Variants in MACROD1 observed in about 807,000 individuals in gnomAD.
The protein encoded by MACROD1 is ADP-ribose glycohydrolase MACROD1.
Under a neutral mutation model 41.4 loss-of-function variants are expected in MACROD1, and 31 were observed. The ratio of observed to expected loss-of-function variants is 0.75; its 90% CI spans 0.56 to 1.01. MACROD1 has a LOEUF of 1.01. Among genes scored for constraint, MACROD1 ranks in the 50% least tolerant of loss-of-function variants. MACROD1 has a pLI of 0.00. For synonymous variants in MACROD1, 252 were observed against 203.4 expected (o/e 1.24, Z -2.03); for missense variants, 473 against 460.0 (o/e 1.03, Z -0.26).
At chr11:64,035,996 C>G (rs1366381595) in intron 3 of MACROD1, 1 of 150,548 alleles carries the variant, frequency 6.6e-6, no homozygotes, top group African/African-American at 2.4e-5. Flanking sequence ...GCCCCCCGCT[C>G]CGGGCCCGCC....
chr11:64,075,176 G>A (rs1944178941), intron 3 of MACROD1, among the ~76,000 whole-genome samples: 2 of 152,242 alleles, frequency 1.3e-5, no homozygotes, highest in South Asian at 4.1e-4. Context: ...GGCAGCGCAT[G>A]AGGGTCTGAG....
At chr11:64,075,275 G>A (rs1401641539) in intron 3 of MACROD1, among the ~76,000 whole-genome samples, 1 of 152,242 alleles carries the variant, frequency 6.6e-6, no homozygotes, top group Non-Finnish European at 1.5e-5. Flanking sequence ...GGACCTGCCT[G>A]GCTGGCCCTT....
At chr11:64,136,891 G>T (rs1193101978) in intron 3 of MACROD1, among the ~76,000 whole-genome samples, 2 of 152,208 alleles carry the variant, frequency 1.3e-5, no homozygotes, top group East Asian at 1.9e-4. Context: ...GGGGGATGAG[G>T]AAGTGGGGGT....
At chr11:64,079,113 G>T (rs931260945) in intron 3 of MACROD1, among the ~76,000 whole-genome samples, 2 of 152,134 alleles carry the variant, frequency 1.3e-5, no homozygotes, top group Admixed American at 6.5e-5. Flanking sequence ...TGGTGCAGTG[G>T]GGGGCGGTGG....
At chr11:64,078,532 G>A (rs1055465728) in intron 3 of MACROD1, among the ~76,000 whole-genome samples, 1 of 152,258 alleles carries the variant, frequency 6.6e-6, no homozygotes, top group African/African-American at 2.4e-5. Context: ...ATACCCGGGA[G>A]GGGAGCTGTC....
At chr11:63,999,209 A>C in intron 8 of MACROD1, 122 bp downstream of exon 8, 1 of 1,397,132 alleles carries the variant, frequency 7.2e-7, no homozygotes. Flanking sequence ...TGCGCAGGAG[A>C]AACAGGGAAG....
Position 64,067,694 on chromosome 11 carries a change from C to T in MACROD1, c.518-52413G>A, listed in dbSNP as rs1042563601. On this transcript the variant is annotated intron_variant, in intron 3 of 10. Coordinates refer to ENST00000255681, the MANE Select transcript of MACROD1 (RefSeq NM_014067.4). This position sits in a 1 kb window ranked among gnomAD's most constrained non-coding sequence, Gnocchi z 4.6. The stretch of plus-strand genomic sequence containing the variant: ...GCTGGGGTGCCTGGAGCTGCCCTGC[C>T]TGCAGTGATTGCGGACACGCCCCTC... Among the ~76,000 whole-genome samples the T allele has an allele frequency of 4.6e-5, 7 of 152,220 alleles. No homozygotes were observed. Among genetic ancestry groups the T allele is most frequent in the African/African-American group, 1.4e-4 (6 of 41,454 alleles).
At chr11:64,095,853 G>A (rs541574327) in intron 3 of MACROD1, among the ~76,000 whole-genome samples, 94 of 152,202 alleles carry the variant, frequency 6.2e-4, no homozygotes, top group Non-Finnish European at 1.3e-3. Context: ...GGAGGAGCGC[G>A]AGGCTGAGGG....
At chr11:64,003,832 T>A (rs1942865672) in intron 4 of MACROD1, among the ~76,000 whole-genome samples, 1 of 152,092 alleles carries the variant, frequency 6.6e-6, no homozygotes, top group African/African-American at 2.4e-5. Context: ...AGGCAGTGTC[T>A]CCCCACATCA....
At chr11:64,142,128 TA>T (rs1480169667) in intron 3 of MACROD1, among the ~76,000 whole-genome samples, 1 of 152,006 alleles carries the variant, frequency 6.6e-6, no homozygotes, top group Non-Finnish European at 1.5e-5. Flanking sequence ...AGGGGTGGGG[TA>T]GGGGGCTGGG....
intron 3 of MACROD1, among the ~76,000 whole-genome samples, chr11:64,042,424 A>G (rs1450161921): frequency 1.3e-5 from 2 of 152,106 alleles, no homozygotes; most frequent in Non-Finnish European, 2.9e-5. Flanking sequence ...GGGGGGTGTG[A>G]AGGAATGAGA....
In MACROD1 at chr11:64,166,023, C is replaced by A; in HGVS notation, c.-29G>T. The A allele has an allele frequency of 8.0e-7, 1 of 1,253,190 alleles. No homozygotes were observed. The highest frequency in any genetic ancestry group is 3.4e-5 in the South Asian group (1 of 29,232). 77.6% of individuals were successfully genotyped at this position (1,253,190 alleles called of 1,614,324 possible). Reference sequence around the variant, plus strand: ...CGGGCGGCGCGGGACGGCTCTCCGCCCACTTGGACTCTATTTACGGCGCTC... The same window carrying A: ...CGGGCGGCGCGGGACGGCTCTCCGCACACTTGGACTCTATTTACGGCGCTC... On this transcript the variant is annotated 5_prime_UTR_variant, in exon 1 of 11. Transcript: ENST00000255681.
intron 3 of MACROD1, chr11:64,138,490 G>A (rs1273314506): frequency 1.0e-6 from 1 of 984,834 alleles, no homozygotes; most frequent in African/African-American, 1.7e-5. Flanking sequence ...TCCTCAGCAA[G>A]GTAGCTCTTG....
rs767185497 is a variant in MACROD1 at position 64,165,773 on chromosome 11, C to G, written c.222G>C (p.Gly74=). The change falls in exon 1 of 11, where the codon GGG becomes GGC. Residue 74 remains glycine, a synonymous_variant. Coordinates refer to ENST00000255681, the MANE Select transcript of MACROD1 (RefSeq NM_014067.4). The stretch of plus-strand genomic sequence containing the variant: ...TGGCCAGGGGGGCCCAAGTGCGCAC[C>G]CCGGCTGTCCGCCCCACCGCCGCCG... The part of the protein sequence containing the change: ...WGAAAVGRTA[G]VRTWAPLAMA... 3 of 1,496,260 alleles carry G rather than the reference C, an allele frequency of 2.0e-6. No homozygotes were observed. The highest frequency in any genetic ancestry group is 1.5e-5 in the African/African-American group (1 of 68,448). The allele number at this position is 1,496,260 out of a possible 1,614,324, so 92.7% of individuals were successfully genotyped here.
At chr11:64,079,797 A>G (rs1466584482) in intron 3 of MACROD1, among the ~76,000 whole-genome samples, 1 of 152,138 alleles carries the variant, frequency 6.6e-6, no homozygotes, top group African/African-American at 2.4e-5. Context: ...ATCTGGAGGT[A>G]CAGCTGGGTC....
In MACROD1 at chr11:64,039,194, G is replaced by A. The variant is rs116951890; in HGVS notation, c.518-23913C>T. Among the ~76,000 whole-genome samples, 222 of 152,282 alleles carry A rather than the reference G, an allele frequency of 1.5e-3. 3 individuals are homozygous for A. The South Asian group carries it at 0.018, about 13-fold the overall frequency. On this transcript the variant is annotated intron_variant, in intron 3 of 10. Transcript: ENST00000255681. ...CTTTTGCTGAGGCCCCTTATAGGAT[G>A]GGGTGCGTGAGGCATGTGGGTGAGC...
At chr11:64,060,030 C>A (rs983379054) in intron 3 of MACROD1, among the ~76,000 whole-genome samples, 24 of 152,290 alleles carry the variant, frequency 1.6e-4, no homozygotes, top group African/African-American at 5.8e-4. Context: ...TCCCACACGG[C>A]AGGGGGGAAT....
chr11:64,083,396 A>C (rs1345032983), intron 3 of MACROD1, among the ~76,000 whole-genome samples: 1 of 152,172 alleles, frequency 6.6e-6, no homozygotes, highest in Non-Finnish European at 1.5e-5. Flanking sequence ...AGATTGCACC[A>C]CTGCACTCCA....
chr11:64,068,497 T>C (rs1944046285), intron 3 of MACROD1, among the ~76,000 whole-genome samples: 1 of 152,154 alleles, frequency 6.6e-6, no homozygotes, highest in Non-Finnish European at 1.5e-5. Context: ...TCCACAAACA[T>C]GAGGTCCTAG....
Sources: gnomAD v4.1 joint callset for allele counts (sites outside exome capture counted in the v4.1 genomes callset) on GRCh38, gnomAD v4.1.1 for gene constraint, Gnocchi (gnomAD v3.1) non-coding constraint, MANE v1.5 for transcripts, NCBI Gene and HGNC (gene_info 2026-07-23, HGNC 2026-07-21) for gene names.